Variants in DAB1 observed in about 807,000 individuals in gnomAD.
DAB1 encodes disabled homolog 1.
DAB1 carries 15 observed loss-of-function variants against 64.6 expected under a neutral mutation model. The ratio of observed to expected loss-of-function variants is 0.23; its 90% CI spans 0.16 to 0.36. The LOEUF is 0.36. DAB1 is among the 10% of genes least tolerant of loss of function. The pLI is 1.00. For missense variants in DAB1, 596 were observed against 706.7 expected (o/e 0.84, Z 1.78); for synonymous variants, 235 against 251.9 (o/e 0.93, Z 0.64).
chr1:57,519,944 C>A (rs1237959869), intron 7 of DAB1, among the ~76,000 whole-genome samples: 3 of 152,132 alleles, frequency 2.0e-5, no homozygotes, highest in Middle Eastern at 3.2e-3. Flanking sequence ...ACCTATCATC[C>A]AGTTTTAACT....
intron 5 of DAB1, among the ~76,000 whole-genome samples, chr1:58,004,312 A>G (rs1646549042): frequency 6.6e-6 from 1 of 152,164 alleles, no homozygotes; most frequent in Non-Finnish European, 1.5e-5. Flanking sequence ...TCACGCAGCT[A>G]GTTGGTGGCA....
Position 58,292,674 on chromosome 1 carries a change from T to C in DAB1, n.309+50678A>G, listed in dbSNP as rs1569609975. Among the ~76,000 whole-genome samples the C allele has an allele frequency of 2.6e-5, 4 of 152,238 alleles. 1 individual carries two copies. Among genetic ancestry groups the C allele is most frequent in the Admixed American group, 2.6e-4 (4 of 15,284 alleles). On this transcript the variant is annotated intron_variant and non_coding_transcript_variant, in intron 4 of 20. Transcript: ENST00000485760. Reference sequence around the variant, plus strand: ...GGGTTGGAGTGTTGCAAATAATATGTGCTCTCTGCATAGACCCCAGAAACC... The same window carrying C: ...GGGTTGGAGTGTTGCAAATAATATGCGCTCTCTGCATAGACCCCAGAAACC...
At chr1:57,178,168 C>G (rs1270137390) in intron 2 of DAB1, among the ~76,000 whole-genome samples, 1 of 151,998 alleles carries the variant, frequency 6.6e-6, no homozygotes, top group African/African-American at 2.4e-5. Flanking sequence ...GAAATAATCA[C>G]TCTGGGAATA....
chr1:57,003,504 T>A (rs901854254), intron 14 of DAB1, among the ~76,000 whole-genome samples: 3 of 151,692 alleles, frequency 2.0e-5, no homozygotes, highest in Non-Finnish European at 4.4e-5. Flanking sequence ...TTTTTTTTTT[T>A]AATCTTTTTT....
chr1:58,274,738 C>T (rs923864063), intron 4 of DAB1, among the ~76,000 whole-genome samples: 2 of 152,152 alleles, frequency 1.3e-5, no homozygotes, highest in African/African-American at 2.4e-5. Context: ...GTCTGAAAAG[C>T]GCAATATTCG....
chr1:58,034,359 C>A (rs1419463727), intron 5 of DAB1, among the ~76,000 whole-genome samples: 1 of 152,196 alleles, frequency 6.6e-6, no homozygotes. Context: ...GAGGATTCTG[C>A]CCCAGGCAGA....
intron 4 of DAB1, among the ~76,000 whole-genome samples, chr1:58,295,588 C>A (rs1661950694): frequency 1.3e-5 from 2 of 152,166 alleles, no homozygotes; most frequent in South Asian, 4.1e-4. Context: ...TTATATTACA[C>A]ACTTCATTTT....
intron 4 of DAB1, among the ~76,000 whole-genome samples, chr1:58,316,106 A>C (rs181978167): frequency 3.3e-4 from 50 of 152,346 alleles, no homozygotes; most frequent in African/African-American, 1.2e-3. Flanking sequence ...TATCTCTAAC[A>C]TGAAGATAGT....
chr1:57,304,473 C>T (rs1281754530), intron 1 of DAB1, among the ~76,000 whole-genome samples: 1 of 152,168 alleles, frequency 6.6e-6, no homozygotes, highest in Non-Finnish European at 1.5e-5. Flanking sequence ...TGAGCATCAC[C>T]GTCTCACGGA....
At chr1:58,018,640 C>G (rs1646776175) in intron 5 of DAB1, among the ~76,000 whole-genome samples, 1 of 152,170 alleles carries the variant, frequency 6.6e-6, no homozygotes, top group Admixed American at 6.5e-5. Flanking sequence ...ATTTCCAGAA[C>G]TAGGGATTTA....
intron 4 of DAB1, among the ~76,000 whole-genome samples, chr1:58,244,797 C>G (rs1401830134): frequency 6.6e-6 from 1 of 152,158 alleles, no homozygotes; most frequent in Non-Finnish European, 1.5e-5. Flanking sequence ...TAACACTATT[C>G]CTAGGATCGT....
chr1:57,711,517 C>T (rs1647029385), intron 6 of DAB1, among the ~76,000 whole-genome samples: 1 of 152,216 alleles, frequency 6.6e-6, no homozygotes, highest in Middle Eastern at 3.2e-3. Flanking sequence ...TTGCAGCTGT[C>T]TGCCTGTACT....
intron 2 of DAB1, among the ~76,000 whole-genome samples, chr1:57,277,099 G>T (rs58393370): frequency 0.016 from 2,503 of 152,228 alleles, 79 homozygotes; most frequent in African/African-American, 0.057. Context: ...CACCTATGAC[G>T]TGCTAAAGTC....
rs548072885 is a variant in DAB1, at chr1:58,530,805, T to C, written n.33-3470A>G. 19 of 773,260 alleles carry C rather than the reference T, an allele frequency of 2.5e-5. No homozygotes were observed. In the South Asian group the frequency reaches 2.6e-4, roughly 10 times the overall value. 47.9% of individuals were successfully genotyped at this position (773,260 alleles called of 1,614,324 possible). A position where few individuals can be genotyped will look rare whatever the true frequency, so the allele number is the denominator to read the frequency against. ...TATGCTTACATTTTCTAGTTCATCA[T>C]GTGTTACAATTACCTGACCTTCTCC... On this transcript the variant is annotated intron_variant and non_coding_transcript_variant, in intron 1 of 20. Transcript: ENST00000485760.
intron 5 of DAB1, among the ~76,000 whole-genome samples, chr1:58,039,063 G>C (rs556011854): frequency 2.0e-5 from 3 of 152,172 alleles, no homozygotes; most frequent in African/African-American, 7.2e-5. Flanking sequence ...TGTCTCTTTA[G>C]TTTCTGTATT....
chr1:58,188,574 G>A (rs776084531), intron 4 of DAB1, among the ~76,000 whole-genome samples: 1 of 152,122 alleles, frequency 6.6e-6, no homozygotes, highest in African/African-American at 2.4e-5. Flanking sequence ...TTATAATCAC[G>A]GAGCTAGGAT....
At chr1:57,023,700 G>A (rs1380000376) in intron 10 of DAB1, 61 bp from the exon 11 acceptor site, 1 of 1,103,926 alleles carries the variant, frequency 9.1e-7, no homozygotes, top group African/African-American at 1.5e-5. Context: ...TCAAGGCTGG[G>A]AGGTAGCAGA....
At chr1:58,103,338 G>A (rs920307797) in intron 5 of DAB1, among the ~76,000 whole-genome samples, 3 of 152,040 alleles carry the variant, frequency 2.0e-5, no homozygotes, top group Non-Finnish European at 4.4e-5. Context: ...AACTTTCTCC[G>A]TAAAGGGCCT....
At chr1:57,631,466 A>G (rs913365408) in intron 7 of DAB1, among the ~76,000 whole-genome samples, 6 of 152,222 alleles carry the variant, frequency 3.9e-5, no homozygotes, top group Non-Finnish European at 8.8e-5. Flanking sequence ...AATTTCCATA[A>G]TTAAGTGCAT....
Sources: allele counts gnomAD v4.1 joint callset (sites outside exome capture counted in the v4.1 genomes callset), GRCh38; gene constraint gnomAD v4.1.1; transcripts MANE v1.5; gene names NCBI Gene and HGNC (gene_info 2026-07-23, HGNC 2026-07-21).